The following GNB4 variants were observed in gnomAD, a reference collection of about 807,000 sequenced individuals.
The protein encoded by GNB4 is guanine nucleotide-binding protein subunit beta-4.
Under a neutral mutation model 45.2 loss-of-function variants are expected in GNB4, and 28 were observed. The ratio of observed to expected loss-of-function variants is 0.62; its 90% CI spans 0.46 to 0.85. The LOEUF is 0.85. Ranked by LOEUF, GNB4 falls within the 40% of genes least tolerant of loss-of-function variation. The pLI, the probability that GNB4 is intolerant of heterozygous loss-of-function variation, is 0.00. For missense variants in GNB4, 321 were observed against 425.4 expected (o/e 0.75, Z 2.16); for synonymous variants, 132 against 143.7 (o/e 0.92, Z 0.58).
At chr3:179,460,647 T>C in the GNB4 span, among the ~76,000 whole-genome samples, 2 of 150,552 alleles carry the variant, frequency 1.3e-5, no homozygotes, top group Non-Finnish European at 2.9e-5. Flanking sequence ...ACTTTGCCTT[T>C]TTGCATACCT....
At chr3:179,464,073 C>A in the GNB4 span, among the ~76,000 whole-genome samples, 371 of 152,252 alleles carry the variant, frequency 2.4e-3, no homozygotes, top group Non-Finnish European at 3.7e-3. Context: ...ATATGTATAT[C>A]AAATACATTG....
intron 1 of GNB4, among the ~76,000 whole-genome samples, chr3:179,430,047 TTGTG>T (rs1213462487): frequency 5.9e-5 from 8 of 136,304 alleles, no homozygotes; most frequent in African/African-American, 8.0e-5. Context: ...CTCATCTTCC[TTGTG>T]TGTGTGTGTG....
upstream of GNB4, among the ~76,000 whole-genome samples, chr3:179,452,215 C>A (rs924595614): frequency 7.9e-6 from 1 of 126,728 alleles, no homozygotes; most frequent in African/African-American, 3.3e-5. Flanking sequence ...GCATCTCAAT[C>A]GAGTTTTTTT....
At chr3:179,522,601 T>C in the GNB4 span, among the ~76,000 whole-genome samples, 1 of 152,106 alleles carries the variant, frequency 6.6e-6, no homozygotes, top group Non-Finnish European at 1.5e-5. Context: ...GGAAGAGCAA[T>C]AGCCTCAATA....
chr3:179,464,274 C>A, the GNB4 span: 1 of 505,444 alleles, frequency 2.0e-6, no homozygotes, highest in Non-Finnish European at 3.6e-6. Context: ...GCCTAGGCAA[C>A]ATAGAGAGAC....
At chr3:179,447,025 A>C (rs890479154) in intron 1 of GNB4, among the ~76,000 whole-genome samples, 10 of 152,218 alleles carry the variant, frequency 6.6e-5, no homozygotes, top group African/African-American at 2.4e-4. Flanking sequence ...ACAGCACATC[A>C]ATAACATAAT....
At position 179,414,964 on chromosome 3, in the gene GNB4, C is replaced by T; in HGVS notation, c.351G>A (p.Leu117=). 6.2e-7 allele frequency: 1 copy of T among 1,612,638 alleles called. No homozygotes were observed. The highest frequency in any genetic ancestry group is 8.5e-7 in the Non-Finnish European group (1 of 1,179,016). The change falls in exon 6 of 10, where the codon TTG becomes TTA. Residue 117 remains leucine (L), a synonymous_variant. Transcript: ENST00000232564. ...PSGNYVACGG[L]DNICSIYNLK... ...AGTTATATATAGAGCAGATGTTGTC[C>T]AAGCCTCCACAGGCAACATAATTAC...
chr3:179,416,620 G>T, intron 4 of GNB4, 64 bp from the exon 5 acceptor site: 1 of 921,006 alleles, frequency 1.1e-6, no homozygotes, highest in Non-Finnish European at 1.7e-6. Context: ...AATTGGTTAT[G>T]CATTGCATTA....
At chr3:179,423,598 A>G (rs1715057704) in intron 2 of GNB4, among the ~76,000 whole-genome samples, 1 of 151,940 alleles carries the variant, frequency 6.6e-6, no homozygotes, top group African/African-American at 2.4e-5. Context: ...CCTGGCCAAC[A>G]TGGTGAAACC....
At chr3:179,505,254 A>G in the GNB4 span, among the ~76,000 whole-genome samples, 18 of 152,340 alleles carry the variant, frequency 1.2e-4, no homozygotes, top group African/African-American at 4.3e-4. Flanking sequence ...CCAAACGTAG[A>G]TCTGATTGAG....
chr3:179,477,752 A>G, the GNB4 span, among the ~76,000 whole-genome samples: 7 of 152,148 alleles, frequency 4.6e-5, no homozygotes, highest in South Asian at 1.2e-3. Context: ...GGCTATCCCT[A>G]TTTCTGGGGT....
At chr3:179,508,478 T>C in the GNB4 span, among the ~76,000 whole-genome samples, 1,438 of 152,338 alleles carry the variant, frequency 9.4e-3, 28 homozygotes, top group African/African-American at 0.033. Flanking sequence ...GATAGCTATC[T>C]GCTTACATTT....
chr3:179,525,262 T>A, the GNB4 span, among the ~76,000 whole-genome samples: 1 of 152,118 alleles, frequency 6.6e-6, no homozygotes, highest in African/African-American at 2.4e-5. Flanking sequence ...TTCTGGCAAT[T>A]TAGAACCATT....
At chr3:179,472,301 A>T in the GNB4 span, among the ~76,000 whole-genome samples, 3 of 151,374 alleles carry the variant, frequency 2.0e-5, no homozygotes, top group African/African-American at 7.3e-5. Context: ...ATATTCACCA[A>T]ATTTTCTTAT....
the GNB4 span, among the ~76,000 whole-genome samples, chr3:179,475,311 A>AG: frequency 2.0e-5 from 3 of 151,520 alleles, no homozygotes; most frequent in Non-Finnish European, 2.9e-5. Context: ...AATTGCAGAC[A>AG]GGTTTCACCA....
chr3:179,494,736 C>T, the GNB4 span, among the ~76,000 whole-genome samples: 9 of 151,524 alleles, frequency 5.9e-5, no homozygotes, highest in African/African-American at 1.5e-4. Flanking sequence ...GGTGAAACCC[C>T]GTCTCTACTA....
chr3:179,493,422 C>T, the GNB4 span, among the ~76,000 whole-genome samples: 2 of 147,752 alleles, frequency 1.4e-5, no homozygotes, highest in South Asian at 2.1e-4. Flanking sequence ...CTGAGGAATA[C>T]AATGATTGAA....
At chr3:179,417,579 G>A (rs1226703201) in intron 4 of GNB4, among the ~76,000 whole-genome samples, 1 of 151,952 alleles carries the variant, frequency 6.6e-6, no homozygotes, top group African/African-American at 2.4e-5. Context: ...GGTAAGATGG[G>A]ATCTCAACAT....
rs772823300 is a variant in GNB4 at position 179,438,427 on chromosome 3, G to T, written c.-42-12185C>A. Among the ~76,000 whole-genome samples, 204 of 152,212 alleles carry T rather than the reference G, an allele frequency of 1.3e-3. 1 individual carries two copies. Among genetic ancestry groups the T allele is most frequent in the Non-Finnish European group, 2.7e-3 (186 of 68,002 alleles). On this transcript the variant is annotated intron_variant, in intron 1 of 9. Transcript: ENST00000232564. Reference sequence around the variant, plus strand: ...ATCTCTACCCCTATGGGATTGTTTTGGGAATTAAATAATACACATTTTTTA... The same window carrying T: ...ATCTCTACCCCTATGGGATTGTTTTTGGAATTAAATAATACACATTTTTTA...
Sources: gnomAD v4.1 joint callset for allele counts (sites outside exome capture counted in the v4.1 genomes callset) on GRCh38, gnomAD v4.1.1 for gene constraint, MANE v1.5 for transcripts, NCBI Gene and HGNC (gene_info 2026-07-23, HGNC 2026-07-21) for gene names.